CCAR1: variants seen among roughly 807,000 people sequenced by gnomAD.
CCAR1 encodes cell division cycle and apoptosis regulator protein 1.
A neutral mutation model predicts 163.8 loss-of-function variants in CCAR1; 78 were observed. The observed-to-expected ratio is 0.48, with a 90% confidence interval of 0.40 to 0.57. The LOEUF (loss-of-function observed/expected upper bound fraction) is 0.57, where lower values mean the gene tolerates loss of function less well. Among genes scored for constraint, CCAR1 ranks in the 20% least tolerant of loss-of-function variants. The probability of loss-of-function intolerance (pLI) is 0.00; values close to 1 mark genes in which losing one functional copy is unlikely to be tolerated. For synonymous variants in CCAR1, 443 were observed against 460.7 expected, an observed-to-expected ratio of 0.96 and a Z score of 0.49; for missense variants, 1,019 against 1,365.2, an observed-to-expected ratio of 0.75 and a Z score of 4.00.
In CCAR1 at chr10:68,779,372, C is replaced by G. The variant is rs142620233; in HGVS notation, c.2650+6273C>G. ...TCCCAGGTTCAAGCGATTCTCGTGCCCTCAGCTTCCTAAGTAGCTTAGATT... is the reference window on the plus strand; with the variant it reads ...TCCCAGGTTCAAGCGATTCTCGTGCGCTCAGCTTCCTAAGTAGCTTAGATT... On this transcript the variant is annotated intron_variant, in intron 19 of 24. Coordinates refer to ENST00000265872, the MANE Select transcript of CCAR1 (RefSeq NM_018237.4). Among the ~76,000 whole-genome samples, 613 of 151,942 alleles carry G rather than the reference C, an allele frequency of 4.0e-3. 2 individuals carry two copies. Among genetic ancestry groups the G allele is most frequent in the African/African-American group, 0.014 (579 of 41,434 alleles).
chr10:68,738,204 C>T (rs184948027), intron 4 of CCAR1, among the ~76,000 whole-genome samples: 165 of 152,204 alleles, frequency 1.1e-3, no homozygotes, highest in African/African-American at 3.9e-3. Flanking sequence ...CACTTGAGGT[C>T]GGGAGTTTGA....
At chr10:68,760,838 TG>T (rs1303857969) in intron 15 of CCAR1, 168 bp from the exon 16 acceptor site, 1 of 434,818 alleles carries the variant, frequency 2.3e-6, no homozygotes, top group Non-Finnish European at 4.1e-6. Flanking sequence ...CACTCCAGCC[TG>T]GGCGACAGAG....
intron 19 of CCAR1, among the ~76,000 whole-genome samples, chr10:68,782,215 A>G (rs1055672366): frequency 6.6e-6 from 1 of 152,184 alleles, no homozygotes; most frequent in Non-Finnish European, 1.5e-5. Flanking sequence ...AGAAAGATGA[A>G]GAAGCTATAG....
intron 1 of CCAR1, 90 bp downstream of exon 1, chr10:68,721,372 T>C (rs963816759): frequency 3.5e-6 from 1 of 287,914 alleles, no homozygotes; most frequent in African/African-American, 2.4e-5. Context: ...CCGGGAGCGA[T>C]CTTTTGGGTA....
At chr10:68,731,755 T>C (rs1046146376) in intron 2 of CCAR1, among the ~76,000 whole-genome samples, 1 of 152,114 alleles carries the variant, frequency 6.6e-6, no homozygotes, top group Non-Finnish European at 1.5e-5. Flanking sequence ...CACACCTGGC[T>C]AATTTTTGTA....
At chr10:68,751,914 G>GT (rs1032004179) in intron 10 of CCAR1, among the ~76,000 whole-genome samples, 4 of 136,096 alleles carry the variant, frequency 2.9e-5, no homozygotes, top group African/African-American at 1.2e-4. Context: ...TTAGTTTTTT[G>GT]TTTTTGTTTT....
At chr10:68,731,183 C>T (rs1011556822) in intron 2 of CCAR1, among the ~76,000 whole-genome samples, 2 of 152,102 alleles carry the variant, frequency 1.3e-5, no homozygotes, top group African/African-American at 2.4e-5. Context: ...TCAAATGACA[C>T]GTGTTTAGCT....
chr10:68,745,419 A>G (rs1344740508), intron 6 of CCAR1, among the ~76,000 whole-genome samples: 2 of 150,950 alleles, frequency 1.3e-5, no homozygotes, highest in Non-Finnish European at 2.9e-5. Flanking sequence ...TTCCTGCTTC[A>G]GCCTCTGAAG....
chr10:68,769,537 T>A (rs2056575488), intron 17 of CCAR1, among the ~76,000 whole-genome samples: 1 of 149,110 alleles, frequency 6.7e-6, no homozygotes, highest in African/African-American at 2.5e-5. Context: ...GGAGAATTGC[T>A]TGAACCTGGG....
chr10:68,760,362 T>G (rs933595623), intron 15 of CCAR1, among the ~76,000 whole-genome samples: 1 of 152,128 alleles, frequency 6.6e-6, no homozygotes, highest in African/African-American at 2.4e-5. Context: ...AGGAAATAAG[T>G]AAATCTATAG....
At chr10:68,791,081 A>C in intron 24 of CCAR1, 126 bp from the exon 25 acceptor site, 1 of 497,616 alleles carries the variant, frequency 2.0e-6, no homozygotes, top group Non-Finnish European at 3.5e-6. Context: ...AGATACTAAA[A>C]TTAATTTATT....
At chr10:68,780,245 C>G (rs931130512) in intron 19 of CCAR1, among the ~76,000 whole-genome samples, 4 of 152,280 alleles carry the variant, frequency 2.6e-5, no homozygotes, top group Admixed American at 6.5e-5. Flanking sequence ...GTTGCCCAGG[C>G]TGGGCAGTAG....
At chr10:68,739,272 C>T (rs2056152456) in intron 4 of CCAR1, among the ~76,000 whole-genome samples, 1 of 152,194 alleles carries the variant, frequency 6.6e-6, no homozygotes, top group African/African-American at 2.4e-5. Context: ...GCCTCAGCCT[C>T]CTGAGTAGCT....
intron 18 of CCAR1, 27 bp downstream of exon 18, chr10:68,771,472 G>A (rs762565804): frequency 6.5e-7 from 1 of 1,538,872 alleles, no homozygotes; most frequent in Non-Finnish European, 8.8e-7. Context: ...TGCTTTAGAA[G>A]CTTTCAGTTA....
chr10:68,749,288 T>C, intron 9 of CCAR1, 23 bp downstream of exon 9: 1 of 1,587,322 alleles, frequency 6.3e-7, no homozygotes, highest in South Asian at 1.2e-5. Context: ...AAGTGTACTG[T>C]GGATGGTGGC....
At chr10:68,758,688 TA>T (rs1214728697) in intron 15 of CCAR1, among the ~76,000 whole-genome samples, 1 of 14,894 alleles carries the variant, frequency 6.7e-5, no homozygotes, top group Non-Finnish European at 1.9e-4. Context: ...TGTATATATA[TA>T]TTTTTTTTTT....
intron 3 of CCAR1, 32 bp downstream of exon 3, chr10:68,737,080 T>A: frequency 1.3e-6 from 2 of 1,519,464 alleles, no homozygotes; most frequent in Non-Finnish European, 1.8e-6. Context: ...TTATTTGATG[T>A]AGAAAACTTT....
intron 2 of CCAR1, among the ~76,000 whole-genome samples, chr10:68,733,376 A>G (rs2056066755): frequency 1.3e-5 from 2 of 152,202 alleles, no homozygotes; most frequent in African/African-American, 4.8e-5. Flanking sequence ...CTGCCGCTGC[A>G]CTTGAGCCTG....
chr10:68,788,196 G>A lies in CCAR1; in HGVS notation c.3055G>A (p.Glu1019Lys). The change falls in exon 23 of 25, where the codon GAA becomes AAA. Residue 1019 changes from glutamate to lysine, a missense_variant. Coordinates refer to ENST00000265872, the MANE Select transcript of CCAR1 (RefSeq NM_018237.4). ...AGTAAAGCAGGAATCAAAGGATGTG[G>A]AAGAAAATGTTGGCCTCATTGTGTA... is the stretch of plus-strand genomic sequence containing the variant. The part of the protein sequence containing the change: ...PTVKQESKDV[E>K]ENVGLIVYNG... The A allele has an allele frequency of 6.3e-7, 1 of 1,596,036 alleles. No individual in the cohort carries two copies. The highest frequency in any genetic ancestry group is 1.3e-5 in the African/African-American group (1 of 74,180).
Sources: allele counts gnomAD v4.1 joint callset (sites outside exome capture counted in the v4.1 genomes callset), GRCh38; gene constraint gnomAD v4.1.1; transcripts MANE v1.5; gene names NCBI Gene and HGNC (gene_info 2026-07-23, HGNC 2026-07-21).